THSD7B: variants seen among roughly 807,000 people sequenced by gnomAD.
THSD7B encodes the protein thrombospondin type-1 domain-containing protein 7B.
Under a neutral mutation model 213.6 loss-of-function variants are expected in THSD7B, and 138 were observed. The ratio of observed to expected loss-of-function variants is 0.65; its 90% CI spans 0.56 to 0.74. The LOEUF is 0.74. Ranked by LOEUF, THSD7B falls within the 30% of genes least tolerant of loss-of-function variation. The pLI, the probability that THSD7B is intolerant of heterozygous loss-of-function variation, is 0.00. For synonymous variants in THSD7B, 742 were observed against 687.0 expected (o/e 1.08, Z -1.25); for missense variants, 1,931 against 1,991.5 (o/e 0.97, Z 0.58).
At chr2:136,857,508 T>C (rs1683194724) in intron 1 of THSD7B, among the ~76,000 whole-genome samples, 1 of 152,248 alleles carries the variant, frequency 6.6e-6, no homozygotes, top group South Asian at 2.1e-4. Flanking sequence ...CTCTCCCTTG[T>C]TTAATTTTAC....
intron 3 of THSD7B, among the ~76,000 whole-genome samples, chr2:137,061,504 T>A (rs1296268259): frequency 6.7e-6 from 1 of 149,154 alleles, no homozygotes; most frequent in African/African-American, 2.5e-5. Flanking sequence ...TTTTTTTTTG[T>A]AGGTGTTTTG....
rs1471848166 is a variant in THSD7B, at chr2:137,656,919, A to C, written c.4229A>C (p.Glu1410Ala). 2 of 1,614,052 alleles carry C rather than the reference A, an allele frequency of 1.2e-6. No individual in the cohort carries two copies. Among genetic ancestry groups the C allele is most frequent in the Non-Finnish European group, 8.5e-7 (1 of 1,179,888 alleles). ...AGGACTTTTATAATTCAGTCTTTTG[A>C]GAACCAAGACAGCTGCCCCCAACAG... is the stretch of plus-strand genomic sequence containing the variant. Reference protein sequence around the residue: ...RSRTFIIQSFENQDSCPQQVL... With the variant: ...RSRTFIIQSFANQDSCPQQVL... The change falls in exon 23 of 28, where the codon GAG (glutamate) becomes GCG (alanine). Residue 1410 changes from glutamate (E) to alanine (A), a missense_variant. Glu to Ala is a moderately radical substitution (Grantham distance 107). Transcript: ENST00000409968.
intron 2 of THSD7B, among the ~76,000 whole-genome samples, chr2:136,899,348 ACT>A (rs1684023415): frequency 6.6e-6 from 1 of 152,110 alleles, no homozygotes; most frequent in Non-Finnish European, 1.5e-5. Context: ...CATTTATTCA[ACT>A]GTAAGGTGCA....
chr2:137,622,735 T>C (rs936841891), intron 20 of THSD7B, among the ~76,000 whole-genome samples: 17 of 152,154 alleles, frequency 1.1e-4, no homozygotes, highest in African/African-American at 4.1e-4. Context: ...CTAGAAGAAA[T>C]GGATAAATTC....
At chr2:137,419,686 T>G (rs1206765401) in intron 14 of THSD7B, among the ~76,000 whole-genome samples, 1 of 151,586 alleles carries the variant, frequency 6.6e-6, no homozygotes, top group East Asian at 2.0e-4. Flanking sequence ...AGGTGAAGGG[T>G]GGGGATCGAT....
intron 10 of THSD7B, among the ~76,000 whole-genome samples, chr2:137,261,605 A>C (rs1682453756): frequency 6.6e-6 from 1 of 152,178 alleles, no homozygotes; most frequent in Non-Finnish European, 1.5e-5. Context: ...AGTTTTGAAC[A>C]CTAGTGACCA....
chr2:137,336,962 T>C (rs1312616104), intron 12 of THSD7B, among the ~76,000 whole-genome samples: 1 of 151,996 alleles, frequency 6.6e-6, no homozygotes, highest in Non-Finnish European at 1.5e-5. Flanking sequence ...CTTTAAAAAC[T>C]ACAAAATAGT....
At chr2:137,218,248 T>G (rs1430787537) in intron 7 of THSD7B, among the ~76,000 whole-genome samples, 1 of 152,160 alleles carries the variant, frequency 6.6e-6, no homozygotes, top group Non-Finnish European at 1.5e-5. Flanking sequence ...CTTCATCTTT[T>G]TTTACTCTGA....
intron 12 of THSD7B, among the ~76,000 whole-genome samples, chr2:137,355,053 T>A (rs892290641): frequency 3.9e-5 from 6 of 152,132 alleles, no homozygotes; most frequent in Non-Finnish European, 8.8e-5. Flanking sequence ...ACCATGAGTA[T>A]CTTTAATAGC....
At chr2:137,409,517 A>AT (rs202160643) in intron 13 of THSD7B, among the ~76,000 whole-genome samples, 2,213 of 152,288 alleles carry the variant, frequency 0.015, 45 homozygotes, top group African/African-American at 0.05. Flanking sequence ...TTAGATGTAG[A>AT]TTTTTCAGTC....
intron 5 of THSD7B, among the ~76,000 whole-genome samples, chr2:137,139,107 T>C (rs747803817): frequency 5.3e-5 from 8 of 152,198 alleles, no homozygotes; most frequent in Non-Finnish European, 1.2e-4. Context: ...TTTTTCTCTT[T>C]CCTTTCATTG....
intron 5 of THSD7B, among the ~76,000 whole-genome samples, chr2:137,120,244 TA>T (rs1553472405): frequency 6.6e-6 from 1 of 152,090 alleles, no homozygotes; most frequent in Non-Finnish European, 1.5e-5. Context: ...ATTGAAATCA[TA>T]GGTGTAGGAG....
intron 2 of THSD7B, among the ~76,000 whole-genome samples, chr2:137,052,469 A>C (rs1687086389): frequency 6.6e-6 from 1 of 152,068 alleles, no homozygotes; most frequent in African/African-American, 2.4e-5. Flanking sequence ...TAGGCATATA[A>C]AAATTCTTGA....
At chr2:137,437,192 T>G (rs574694469) in intron 14 of THSD7B, among the ~76,000 whole-genome samples, 1 of 152,272 alleles carries the variant, frequency 6.6e-6, no homozygotes, top group East Asian at 1.9e-4. Context: ...CTTTCCTGGA[T>G]CAGAGCTATA....
chr2:136,912,390 C>T (rs566391403), intron 2 of THSD7B, among the ~76,000 whole-genome samples: 8 of 145,904 alleles, frequency 5.5e-5, no homozygotes, highest in Admixed American at 1.4e-4. Context: ...GGTATGTGTG[C>T]GAGACTCCCT....
intron 1 of THSD7B, among the ~76,000 whole-genome samples, chr2:136,874,358 C>G (rs954645353): frequency 6.6e-6 from 1 of 152,102 alleles, no homozygotes; most frequent in Non-Finnish European, 1.5e-5. Context: ...TATACAGCAA[C>G]GTATGGTAAA....
intron 2 of THSD7B, among the ~76,000 whole-genome samples, chr2:136,934,314 A>G (rs1460465324): frequency 2.0e-5 from 3 of 152,204 alleles, no homozygotes; most frequent in African/African-American, 7.2e-5. Flanking sequence ...CTCTTTTCTA[A>G]TCACATTATT....
Position 137,363,060 on chromosome 2 carries a change from T to C in THSD7B, c.2501-42553T>C, listed in dbSNP as rs560421248. On this transcript the variant is annotated intron_variant, in intron 12 of 27. Coordinates refer to ENST00000409968, the MANE Select transcript of THSD7B (RefSeq NM_001316349.2). ...TCTCTCAGACCACAGTGCAATCAAATTAGAACTCAGGATTAAGAAACTCAC... is the reference window on the plus strand; with the variant it reads ...TCTCTCAGACCACAGTGCAATCAAACTAGAACTCAGGATTAAGAAACTCAC... Among the ~76,000 whole-genome samples the C allele has an allele frequency of 1.9e-4, 29 of 152,164 alleles. No individual in the cohort carries two copies. The South Asian group carries it at 3.3e-3, about 17-fold the overall frequency.
At chr2:137,184,315 C>T (rs1054683196) in intron 7 of THSD7B, among the ~76,000 whole-genome samples, 1 of 152,092 alleles carries the variant, frequency 6.6e-6, no homozygotes, top group African/African-American at 2.4e-5. Flanking sequence ...CTTAATGGCC[C>T]CTCTTCTTAA....
Sources: gnomAD v4.1 joint callset for allele counts (sites outside exome capture counted in the v4.1 genomes callset) on GRCh38, gnomAD v4.1.1 for gene constraint, MANE v1.5 for transcripts, NCBI Gene and HGNC (gene_info 2026-07-23, HGNC 2026-07-21) for gene names.